FAM149A: variants seen among roughly 807,000 people sequenced by gnomAD.
FAM149A encodes the protein protein FAM149A.
In FAM149A, 71 loss-of-function variants were observed where a neutral mutation model predicts 78.2. That is an observed-to-expected ratio of 0.91 (90% CI 0.75 to 1.11). The LOEUF (loss-of-function observed/expected upper bound fraction) is 1.11, where lower values mean the gene tolerates loss of function less well. Among genes scored for constraint, FAM149A ranks in the 50% least tolerant of loss-of-function variants. FAM149A has a pLI of 0.00. For synonymous variants in FAM149A, 446 were observed against 410.5 expected (o/e 1.09, Z -1.04); for missense variants, 1,036 against 971.0 (o/e 1.07, Z -0.89).
chr4:186,149,820 C>T, intron 3 of FAM149A, 116 bp downstream of exon 3: 1 of 543,568 alleles, frequency 1.8e-6, no homozygotes, highest in South Asian at 2.2e-5. Context: ...TGCATACATA[C>T]ATGTACATAC....
At position 186,174,799 on chromosome 4, in the gene FAM149A, T is replaced by G. The variant is rs181594749; in HGVS notation, c.*2812T>G. ...TATACATTAAATTAGATTTAGAGAT[T>G]AGTAAATAATGCTTATATCAAGGAT... is the stretch of plus-strand genomic sequence containing the variant. On this transcript the variant is annotated 3_prime_UTR_variant, in exon 14 of 14. Transcript: ENST00000389354. 4.8e-3 allele frequency among the ~76,000 whole-genome samples: 533 copies of G among 111,426 alleles called. 109 individuals carry two copies. The highest frequency in any genetic ancestry group is 0.014 in the African/African-American group (510 of 35,694). The allele number at this position is 111,426 out of a possible 152,430, so 73.1% of individuals were successfully genotyped here. A position where few individuals can be genotyped will look rare whatever the true frequency, so the allele number is the denominator to read the frequency against.
chr4:186,136,976 T>TCTTTCTCTCTCTCTCTCTCTCTCTCTC (rs2099323291), intron 1 of FAM149A, among the ~76,000 whole-genome samples: 1 of 72,094 alleles, frequency 1.4e-5, no homozygotes, highest in African/African-American at 6.2e-5. Flanking sequence ...CTCTCTCTCT[T>TCTTTCTCTCTCTCTCTCTCTCTCTCTC]TCTCTCTCTC....
intron 1 of FAM149A, among the ~76,000 whole-genome samples, chr4:186,133,720 A>G (rs2099321717): frequency 6.6e-6 from 1 of 152,162 alleles, no homozygotes; most frequent in African/African-American, 2.4e-5. Context: ...CAGTGGCGTG[A>G]TCATAGCTCA....
chr4:186,136,990 C>CTCTCTCTCTCTCTCTCTCTCTT (rs2099323462), intron 1 of FAM149A, among the ~76,000 whole-genome samples: 1 of 92,794 alleles, frequency 1.1e-5, no homozygotes, highest in African/African-American at 3.2e-5. Flanking sequence ...CTCTCTCTCT[C>CTCTCTCTCTCTCTCTCTCTCTT]TCTCTCTCTC....
At position 186,109,146 on chromosome 4, in the gene FAM149A, C is replaced by T. The variant is rs998575065; in HGVS notation, c.566+3504C>T. 6.7e-5 allele frequency: 66 copies of T among 985,194 alleles called. No individual in the cohort carries two copies. The East Asian group carries it at 1.1e-3, about 17-fold the overall frequency. 61.0% of individuals were successfully genotyped at this position (985,194 alleles called of 1,614,324 possible). ...ACAGGCTTGAGCCACCGCGCCCGGC[C>T]GGTCTTATTCTCTTATTTGTTCTGC... On this transcript the variant is annotated intron_variant, in intron 1 of 13. Transcript: ENST00000389354.
intron 1 of FAM149A, chr4:186,130,138 G>A (rs1469299273): frequency 6.6e-6 from 1 of 151,882 alleles, no homozygotes; most frequent in East Asian, 1.9e-4. Context: ...AGCCAAGATT[G>A]AATGGAAGAG....
rs1448982453 is a variant in FAM149A at position 186,144,870 on chromosome 4, C to G, written c.567-4303C>G. On this transcript the variant is annotated intron_variant, in intron 1 of 13. Coordinates refer to ENST00000389354, the MANE Select transcript of FAM149A (RefSeq NM_001367768.3). This position sits in a 1 kb window ranked among gnomAD's most constrained non-coding sequence, Gnocchi z 4.2. ...AGGATCTGGAGAGGGAAGGGGCGTG[C>G]GAGCCCCGCGGACCCCGGGCGCGCC... The G allele has an allele frequency of 5.1e-6, 5 of 975,042 alleles. No homozygotes were observed. The highest frequency in any genetic ancestry group is 1.3e-4 in the Admixed American group (2 of 15,516). The allele number at this position is 975,042 out of a possible 1,614,324, so 60.4% of individuals were successfully genotyped here.
At position 186,160,682 on chromosome 4, in the gene FAM149A, C is replaced by G; in HGVS notation, c.1576-2163C>G. On this transcript the variant is annotated intron_variant, in intron 8 of 13. Coordinates refer to ENST00000389354, the MANE Select transcript of FAM149A (RefSeq NM_001367768.3). ...ACACACCCCACACATACACACACACCTTCACACATACCACACACACTACCA... is the reference window on the plus strand; with the variant it reads ...ACACACCCCACACATACACACACACGTTCACACATACCACACACACTACCA... 7.7e-6 allele frequency: 4 copies of G among 519,586 alleles called. No homozygotes were observed. In the South Asian group the frequency reaches 2.5e-4, roughly 32 times the overall value. The allele number at this position is 519,586 out of a possible 1,614,324, so 32.2% of individuals were successfully genotyped here.
chr4:186,155,585 C>T (rs150859842), intron 6 of FAM149A, among the ~76,000 whole-genome samples: 7 of 151,992 alleles, frequency 4.6e-5, no homozygotes, highest in African/African-American at 1.4e-4. Flanking sequence ...ATATTAAAAC[C>T]AAACTTATGG....
At position 186,136,988 on chromosome 4, in the gene FAM149A, C is replaced by CTCTT. The variant is rs2099323414; in HGVS notation, c.567-12182_567-12181insTTCT. The stretch of plus-strand genomic sequence containing the variant: ...TTTCTCTCTCTCTTTCTCTCTCTCT[C>CTCTT]TCTCTCTCTCTCTCTCTCTCTCTCT... On this transcript the variant is annotated intron_variant, in intron 1 of 13. Transcript: ENST00000389354. 1.8e-4 allele frequency among the ~76,000 whole-genome samples: 22 copies of CTCTT among 121,598 alleles called. 1 individual carries two copies. The highest frequency in any genetic ancestry group is 4.0e-3 in the Middle Eastern group (1 of 248). 79.8% of individuals were successfully genotyped at this position (121,598 alleles called of 152,430 possible).
intron 1 of FAM149A, among the ~76,000 whole-genome samples, chr4:186,121,825 GTGGAGTTTAACCT>G (rs1354705420): frequency 1.3e-5 from 2 of 152,174 alleles, no homozygotes; most frequent in African/African-American, 4.8e-5. Context: ...TGCTTTTGTG[GTGGAGTTTAACCT>G]TGGACTTGAT....
chr4:186,143,719 T>C (rs4861703), intron 1 of FAM149A, among the ~76,000 whole-genome samples: 134,143 of 151,924 alleles, frequency 0.88, 59,311 homozygotes, highest in Middle Eastern at 0.94. Context: ...TAGTAGAGAC[T>C]GGGGTTTCAC....
rs1732896022 is a variant in FAM149A, at chr4:186,144,944, CGGGCGCGGGCG to C, written c.567-4228_567-4218del. 1 of 866,980 alleles carries C rather than the reference CGGGCGCGGGCG, an allele frequency of 1.2e-6. No individual in the cohort carries two copies. The highest frequency in any genetic ancestry group is 5.4e-5 in the African/African-American group (1 of 18,596). 53.7% of individuals were successfully genotyped at this position (866,980 alleles called of 1,614,324 possible). A position where few individuals can be genotyped will look rare whatever the true frequency, so the allele number is the denominator to read the frequency against. On this transcript the variant is annotated intron_variant, in intron 1 of 13. Coordinates refer to ENST00000389354, the MANE Select transcript of FAM149A (RefSeq NM_001367768.3). This position sits in a 1 kb window ranked among gnomAD's most constrained non-coding sequence, Gnocchi z 4.2. ...CGCGCGGCGGGCGCGGGCGCGGGCG[CGGGCGCGGGCG>C]CGGGCGGGTGGGGAGCCCCAGCCCC...
At chr4:186,124,596 T>C (rs1251593946) in intron 1 of FAM149A, among the ~76,000 whole-genome samples, 1 of 152,162 alleles carries the variant, frequency 6.6e-6, no homozygotes, top group East Asian at 1.9e-4. Flanking sequence ...CATGACCTCA[T>C]CCTTTTTTAT....
intron 1 of FAM149A, among the ~76,000 whole-genome samples, chr4:186,136,910 AT>A (rs1269048672): frequency 1.4e-5 from 2 of 145,710 alleles, no homozygotes; most frequent in African/African-American, 5.2e-5. Context: ...TCGAAGAATG[AT>A]TGTGAAGCTC....
At position 186,118,909 on chromosome 4, in the gene FAM149A, T is replaced by C. The variant is rs6827450; in HGVS notation, c.566+13267T>C. Among the ~76,000 whole-genome samples the C allele has an allele frequency of 4.6e-3, 706 of 152,314 alleles. 5 individuals carry two copies. The highest frequency in any genetic ancestry group is 0.016 in the African/African-American group (669 of 41,564). On this transcript the variant is annotated intron_variant, in intron 1 of 13. Coordinates refer to ENST00000389354, the MANE Select transcript of FAM149A (RefSeq NM_001367768.3). Reference sequence around the variant, plus strand: ...TAAGTTTCAGTTTTGTTTTGTTTTCTTTTGACATAAAAACAATGAGGAGTA... The same window carrying C: ...TAAGTTTCAGTTTTGTTTTGTTTTCCTTTGACATAAAAACAATGAGGAGTA...
chr4:186,167,209 T>C lies in FAM149A; in HGVS notation c.2165T>C (p.Leu722Ser), dbSNP rs772260640. 4.3e-6 allele frequency: 7 copies of C among 1,611,164 alleles called. No individual in the cohort carries two copies. In the African/African-American group the frequency reaches 8.0e-5, roughly 18 times the overall value. The change falls in exon 13 of 14, where the codon TTG becomes TCG. Residue 722 changes from leucine to serine, a missense_variant. Leu to Ser is a moderately radical substitution (Grantham distance 145). Transcript: ENST00000389354. Reference sequence around the variant, plus strand: ...TCGGATACGCCTCGAAAAAGTTCATTGACACAAATGGAATTTGCTGCTCAC... The same window carrying C: ...TCGGATACGCCTCGAAAAAGTTCATCGACACAAATGGAATTTGCTGCTCAC...
intron 1 of FAM149A, among the ~76,000 whole-genome samples, chr4:186,133,877 G>A (rs1275996317): frequency 6.6e-6 from 1 of 152,074 alleles, no homozygotes; most frequent in African/African-American, 2.4e-5. Flanking sequence ...AGGTGGTCTC[G>A]AACTCCTGGC....
rs1321517223 is a variant in FAM149A at position 186,144,801 on chromosome 4, C to T, written c.567-4372C>T. ...GATTAGCTGGCGGGCGAGGGCGCAGCGCAGGGAGGAGGAGGGGAGGCGGCG... is the reference window on the plus strand; with the variant it reads ...GATTAGCTGGCGGGCGAGGGCGCAGTGCAGGGAGGAGGAGGGGAGGCGGCG... On this transcript the variant is annotated intron_variant, in intron 1 of 13. Coordinates refer to ENST00000389354, the MANE Select transcript of FAM149A (RefSeq NM_001367768.3). The surrounding 1 kb of genome is among the most constrained non-coding windows in gnomAD (Gnocchi z 4.2). The T allele has an allele frequency of 1.0e-6, 1 of 980,320 alleles. No homozygotes were observed. Among genetic ancestry groups the T allele is most frequent in the South Asian group, 4.5e-5 (1 of 21,992 alleles). 60.7% of individuals were successfully genotyped at this position (980,320 alleles called of 1,614,324 possible).
Sources: gnomAD v4.1 joint callset for allele counts (sites outside exome capture counted in the v4.1 genomes callset) on GRCh38, gnomAD v4.1.1 for gene constraint, Gnocchi (gnomAD v3.1) non-coding constraint, MANE v1.5 for transcripts, NCBI Gene and HGNC (gene_info 2026-07-23, HGNC 2026-07-21) for gene names.